The following EYA4 variants were observed in gnomAD, a reference collection of about 807,000 sequenced individuals.
EYA4 encodes the protein EYA transcriptional coactivator and phosphatase 4.
Under a neutral mutation model 87.9 loss-of-function variants are expected in EYA4, and 31 were observed. The observed-to-expected ratio is 0.35, with a 90% CI of 0.27 to 0.48. EYA4 has a LOEUF of 0.48. Among genes scored for constraint, EYA4 ranks in the 20% least tolerant of loss-of-function variants. The pLI, the probability that EYA4 is intolerant of heterozygous loss-of-function variation, is 0.99. For missense variants in EYA4, 678 were observed against 761.4 expected (o/e 0.89, Z 1.29); for synonymous variants, 263 against 270.6 (o/e 0.97, Z 0.28).
intron 6 of EYA4, among the ~76,000 whole-genome samples, chr6:133,460,011 A>C (rs1794239034): frequency 6.6e-6 from 1 of 152,140 alleles, no homozygotes; most frequent in African/African-American, 2.4e-5. Flanking sequence ...AGCAGATCAC[A>C]AGGGTTCTTG....
chr6:133,503,027 G>A (rs3777881), intron 13 of EYA4, among the ~76,000 whole-genome samples: 4,136 of 152,174 alleles, frequency 0.027, 137 homozygotes, highest in East Asian at 0.082. Context: ...CAAATGACCA[G>A]CCCTCCCAGT....
At chr6:133,372,705 A>G (rs1282605197) in intron 2 of EYA4, among the ~76,000 whole-genome samples, 1 of 151,690 alleles carries the variant, frequency 6.6e-6, no homozygotes, top group Non-Finnish European at 1.5e-5. Flanking sequence ...ATTCAAAAAT[A>G]TGCCTGTTTT....
intron 13 of EYA4, among the ~76,000 whole-genome samples, chr6:133,491,796 C>T (rs2128729252): frequency 6.6e-6 from 1 of 151,618 alleles, no homozygotes; most frequent in South Asian, 2.1e-4. Flanking sequence ...CTAAAAAATA[C>T]AAAAAATTAG....
At chr6:133,247,976 T>A (rs1774552827) in intron 1 of EYA4, 1 of 152,194 alleles carries the variant, frequency 6.6e-6, no homozygotes, top group African/African-American at 2.4e-5. Context: ...TCTCCCAGTG[T>A]GACATATCAG....
chr6:133,274,754 G>T lies in EYA4; in HGVS notation c.-27G>T, dbSNP rs774700638. On this transcript the variant is annotated 5_prime_UTR_variant, in exon 2 of 20. Coordinates refer to ENST00000355286, the MANE Select transcript of EYA4 (RefSeq NM_004100.5). The stretch of plus-strand genomic sequence containing the variant: ...CTTGAAGGAAGCTGCTTCTACTTGG[G>T]AGTGGCAGGAGAAGTGAGAAAACCA... The T allele has an allele frequency of 6.2e-7, 1 of 1,606,674 alleles. No individual in the cohort carries two copies. The highest frequency in any genetic ancestry group is 1.1e-5 in the South Asian group (1 of 90,904).
At chr6:133,274,177 G>A (rs968736104) in intron 1 of EYA4, among the ~76,000 whole-genome samples, 1 of 152,030 alleles carries the variant, frequency 6.6e-6, no homozygotes, top group East Asian at 1.9e-4. Context: ...ATGTTTATTT[G>A]TAATACATTC....
chr6:133,364,886 G>T (rs1414256332), intron 2 of EYA4, among the ~76,000 whole-genome samples: 2 of 152,214 alleles, frequency 1.3e-5, no homozygotes, highest in Non-Finnish European at 2.9e-5. Flanking sequence ...TAATAAGACA[G>T]TTGGGTCATT....
At chr6:133,336,960 A>G (rs1050486441) in intron 2 of EYA4, among the ~76,000 whole-genome samples, 11 of 147,308 alleles carry the variant, frequency 7.5e-5, no homozygotes, top group Admixed American at 1.3e-4. Context: ...TCTGGCCGAA[A>G]ACAGTTTCTG....
chr6:133,436,491 T>C (rs1791695705), intron 3 of EYA4, among the ~76,000 whole-genome samples: 1 of 152,178 alleles, frequency 6.6e-6, no homozygotes, highest in Non-Finnish European at 1.5e-5. Context: ...TCCACTATTC[T>C]AGGAATAGGG....
intron 1 of EYA4, among the ~76,000 whole-genome samples, chr6:133,271,741 C>G (rs1220644858): frequency 6.6e-6 from 1 of 152,174 alleles, no homozygotes; most frequent in Non-Finnish European, 1.5e-5. Flanking sequence ...CCATCCCTGC[C>G]ACCATGGCCA....
chr6:133,279,906 A>C (rs1461697005), intron 2 of EYA4, among the ~76,000 whole-genome samples: 1 of 152,198 alleles, frequency 6.6e-6, no homozygotes, highest in African/African-American at 2.4e-5. Flanking sequence ...GTATGCTAGA[A>C]TATAATTATT....
chr6:133,365,131 C>T (rs1419475208), intron 2 of EYA4, among the ~76,000 whole-genome samples: 2 of 152,142 alleles, frequency 1.3e-5, no homozygotes, highest in Non-Finnish European at 2.9e-5. Context: ...TATTCTGGTT[C>T]AGCCTCTTGA....
chr6:133,246,583 A>G (rs1390772601), intron 1 of EYA4, among the ~76,000 whole-genome samples: 3 of 152,168 alleles, frequency 2.0e-5, no homozygotes, highest in Non-Finnish European at 4.4e-5. Context: ...ACCAAGGCAT[A>G]TATTAATGTA....
rs151085171 is a variant in EYA4 at position 133,348,457 on chromosome 6, G to A, written c.34-33935G>A. On this transcript the variant is annotated intron_variant, in intron 2 of 19. Coordinates refer to ENST00000355286, the MANE Select transcript of EYA4 (RefSeq NM_004100.5). Reference sequence around the variant, plus strand: ...TTTTTTTGTATTGTTAGCAGAGACGGGGTTTCACCATATCGGCCAGGCTGG... The same window carrying A: ...TTTTTTTGTATTGTTAGCAGAGACGAGGTTTCACCATATCGGCCAGGCTGG... Among the ~76,000 whole-genome samples the A allele has an allele frequency of 7.6e-3, 1,150 of 151,734 alleles. 19 individuals are homozygous for A. The highest frequency in any genetic ancestry group is 0.026 in the African/African-American group (1,096 of 41,362).
chr6:133,314,838 C>T (rs1344104884), intron 2 of EYA4, among the ~76,000 whole-genome samples: 3 of 152,144 alleles, frequency 2.0e-5, no homozygotes. Context: ...ATAGCACCCT[C>T]CTTTTAGTAG....
chr6:133,367,159 G>C (rs986339053), intron 2 of EYA4, among the ~76,000 whole-genome samples: 1 of 152,076 alleles, frequency 6.6e-6, no homozygotes, highest in African/African-American at 2.4e-5. Context: ...TGGATCCTTG[G>C]GTCTTCTTCC....
chr6:133,301,809 GT>G (rs573235816), intron 2 of EYA4, among the ~76,000 whole-genome samples: 1 of 152,182 alleles, frequency 6.6e-6, no homozygotes, highest in Admixed American at 6.5e-5. Flanking sequence ...TATGTGACAT[GT>G]TTTTGCCAGT....
At chr6:133,281,920 T>C (rs745734250) in intron 2 of EYA4, among the ~76,000 whole-genome samples, 5 of 152,192 alleles carry the variant, frequency 3.3e-5, no homozygotes, top group Admixed American at 6.5e-5. Flanking sequence ...GGCCTCCAGC[T>C]GCATCCATAT....
At chr6:133,411,757 C>A (rs1789259388) in intron 3 of EYA4, among the ~76,000 whole-genome samples, 1 of 152,032 alleles carries the variant, frequency 6.6e-6, no homozygotes. Context: ...TATTTCTGTT[C>A]CTTTCAGAAT....
Sources: gnomAD v4.1 joint callset for allele counts (sites outside exome capture counted in the v4.1 genomes callset) on GRCh38, gnomAD v4.1.1 for gene constraint, MANE v1.5 for transcripts, NCBI Gene and HGNC (gene_info 2026-07-23, HGNC 2026-07-21) for gene names.